Variants in NELL1 observed in about 807,000 individuals in gnomAD.
NELL1 encodes protein kinase C-binding protein NELL1.
NELL1 carries 76 observed loss-of-function variants against 107.4 expected under a neutral mutation model. The ratio of observed to expected loss-of-function variants is 0.71; its 90% CI spans 0.59 to 0.86. The LOEUF is 0.86. Among genes scored for constraint, NELL1 ranks in the 40% least tolerant of loss-of-function variants. The pLI is 0.00. For synonymous variants in NELL1, 353 were observed against 341.2 expected (o/e 1.03, Z -0.38); for missense variants, 1,024 against 1,005.5 (o/e 1.02, Z -0.25).
intron 12 of NELL1, among the ~76,000 whole-genome samples, chr11:21,052,569 T>G (rs538715625): frequency 6.6e-6 from 1 of 152,218 alleles, no homozygotes; most frequent in East Asian, 1.9e-4. Context: ...CCAGCTACAG[T>G]TCCAGGTATG....
intron 15 of NELL1, among the ~76,000 whole-genome samples, chr11:21,487,531 AC>A (rs755332839): frequency 1.1e-4 from 16 of 152,130 alleles, no homozygotes; most frequent in Non-Finnish European, 2.2e-4. Context: ...GGTAAACCAT[AC>A]ACACAAATGA....
At chr11:20,872,106 G>A (rs1431830111) in intron 4 of NELL1, among the ~76,000 whole-genome samples, 1 of 150,458 alleles carries the variant, frequency 6.6e-6, no homozygotes, top group African/African-American at 2.4e-5. Flanking sequence ...TGGGGCAGGA[G>A]CTCCCAGCCA....
intron 13 of NELL1, among the ~76,000 whole-genome samples, chr11:21,124,234 G>A (rs1356246435): frequency 1.3e-5 from 2 of 152,082 alleles, no homozygotes; most frequent in African/African-American, 2.4e-5. Context: ...CTAGACAAAG[G>A]TGACATTGAG....
At chr11:21,496,790 G>C (rs1321241736) in intron 15 of NELL1, among the ~76,000 whole-genome samples, 1 of 152,020 alleles carries the variant, frequency 6.6e-6, no homozygotes, top group Admixed American at 6.6e-5. Context: ...ATTTCAAATT[G>C]TTTTTAACTT....
At chr11:21,130,332 T>C (rs534400616) in intron 13 of NELL1, among the ~76,000 whole-genome samples, 88 of 152,252 alleles carry the variant, frequency 5.8e-4, no homozygotes, top group Non-Finnish European at 4.1e-4. Flanking sequence ...ATGAGGACGA[T>C]AGAAGTCTGG....
intron 14 of NELL1, among the ~76,000 whole-genome samples, chr11:21,303,627 C>T (rs969563292): frequency 2.0e-5 from 3 of 151,976 alleles, no homozygotes; most frequent in Non-Finnish European, 4.4e-5. Flanking sequence ...AAAACTAGAA[C>T]TACCATTCTA....
chr11:21,199,439 A>C (rs1171384009), intron 13 of NELL1, among the ~76,000 whole-genome samples: 1 of 152,200 alleles, frequency 6.6e-6, no homozygotes, highest in Non-Finnish European at 1.5e-5. Flanking sequence ...TGTTTGAGGC[A>C]GCAAAAACAG....
chr11:20,938,940 C>CTG (rs1554947463), intron 10 of NELL1, among the ~76,000 whole-genome samples: 934 of 57,350 alleles, frequency 0.016, 15 homozygotes, highest in Admixed American at 0.1. Flanking sequence ...CTCTCTCTCT[C>CTG]TGTGTGTGTG....
At chr11:21,156,316 T>C (rs575453848) in intron 13 of NELL1, among the ~76,000 whole-genome samples, 1 of 152,254 alleles carries the variant, frequency 6.6e-6, no homozygotes, top group African/African-American at 2.4e-5. Context: ...GGAAATGATT[T>C]TGCTCCAGCA....
intron 12 of NELL1, among the ~76,000 whole-genome samples, chr11:21,098,298 C>T (rs1348484443): frequency 6.6e-6 from 1 of 152,212 alleles, no homozygotes; most frequent in Non-Finnish European, 1.5e-5. Flanking sequence ...GATAGGATTA[C>T]TTATCACCTT....
intron 15 of NELL1, among the ~76,000 whole-genome samples, chr11:21,419,274 A>T (rs1355974676): frequency 6.6e-6 from 1 of 152,108 alleles, no homozygotes; most frequent in Non-Finnish European, 1.5e-5. Context: ...GAAAAATCCC[A>T]AACTGATCTT....
chr11:21,277,146 T>C (rs1848883041), intron 14 of NELL1, among the ~76,000 whole-genome samples: 1 of 151,598 alleles, frequency 6.6e-6, no homozygotes, highest in East Asian at 1.9e-4. Context: ...TGCAATCTAC[T>C]CATCTGACAA....
intron 12 of NELL1, among the ~76,000 whole-genome samples, chr11:21,063,551 G>A (rs1398202208): frequency 6.6e-6 from 1 of 152,156 alleles, no homozygotes; most frequent in Non-Finnish European, 1.5e-5. Flanking sequence ...ACACATGTGT[G>A]ATACAGGAGG....
chr11:20,815,050 C>G (rs186159164), intron 3 of NELL1, among the ~76,000 whole-genome samples: 115 of 152,006 alleles, frequency 7.6e-4, no homozygotes, highest in African/African-American at 2.5e-3. Context: ...TTGCATTTCT[C>G]TCTCTGCTTT....
At chr11:21,534,253 T>C in intron 15 of NELL1, 121 bp from the exon 16 acceptor site, 1 of 1,101,956 alleles carries the variant, frequency 9.1e-7, no homozygotes, top group South Asian at 1.4e-5. Flanking sequence ...GTGACTTTCA[T>C]TGTAGGTGAC....
At chr11:21,445,231 T>C (rs1853393199) in intron 15 of NELL1, among the ~76,000 whole-genome samples, 1 of 152,220 alleles carries the variant, frequency 6.6e-6, no homozygotes, top group African/African-American at 2.4e-5. Flanking sequence ...TGTTATAATA[T>C]CCTGTGTTTT....
chr11:20,927,491 G>A (rs773058738), intron 8 of NELL1, 49 bp downstream of exon 8: 6 of 1,560,000 alleles, frequency 3.8e-6, no homozygotes, highest in Non-Finnish European at 5.2e-6. Context: ...TAAGGGGAGA[G>A]GTTTGATAAT....
chr11:20,874,860 C>A (rs571749226), intron 4 of NELL1, among the ~76,000 whole-genome samples: 1 of 152,332 alleles, frequency 6.6e-6, no homozygotes, highest in South Asian at 2.1e-4. Context: ...CTCTTCTACA[C>A]GATGGTCTTC....
intron 13 of NELL1, among the ~76,000 whole-genome samples, chr11:21,225,420 T>C (rs1263384425): frequency 2.0e-5 from 3 of 152,192 alleles, no homozygotes; most frequent in Non-Finnish European, 4.4e-5. Flanking sequence ...ATCTCCCACT[T>C]TCTTTTTTCC....
Sources: allele counts gnomAD v4.1 joint callset (sites outside exome capture counted in the v4.1 genomes callset), GRCh38; gene constraint gnomAD v4.1.1; transcripts MANE v1.5; gene names NCBI Gene and HGNC (gene_info 2026-07-23, HGNC 2026-07-21).